The following CHM variants were observed in gnomAD, a reference collection of about 807,000 sequenced individuals.
CHM encodes the protein rab proteins geranylgeranyltransferase component A 1.
A neutral mutation model predicts 49.0 loss-of-function variants in CHM; 10 were observed. The observed-to-expected ratio is 0.20, with a 90% confidence interval of 0.13 to 0.35. The LOEUF is 0.35. Among genes scored for constraint, CHM ranks in the 10% least tolerant of loss-of-function variants. The probability of loss-of-function intolerance (pLI) is 1.00; values close to 1 mark genes in which losing one functional copy is unlikely to be tolerated. For synonymous variants in CHM, 184 were observed against 167.5 expected, an observed-to-expected ratio of 1.10 and a Z score of -0.76; for missense variants, 455 against 478.4, an observed-to-expected ratio of 0.95 and a Z score of 0.46.
chrX:85,976,087 C>G (rs1005185186), intron 4 of CHM, among the ~76,000 whole-genome samples: 6 of 111,821 alleles, frequency 5.4e-5, no homozygotes, highest in African/African-American at 2.0e-4. Context: ...CTTTCTAAAA[C>G]GTACTTCAAA....
intron 14 of CHM, among the ~76,000 whole-genome samples, chrX:85,871,275 C>A (rs1358363125): frequency 1.1e-5 from 1 of 91,698 alleles, no homozygotes; most frequent in Admixed American, 1.2e-4. Flanking sequence ...CCACTGCACT[C>A]CAGCCTGGGT....
chrX:85,964,182 A>C, intron 4 of CHM, 130 bp from the exon 5 acceptor site: 1 of 562,872 alleles, frequency 1.8e-6, no homozygotes, highest in Non-Finnish European at 2.7e-6. Flanking sequence ...TTTCAGTAAA[A>C]TATGAAACAA....
At chrX:85,907,140 AAAAAG>A (rs199498353) in intron 9 of CHM, among the ~76,000 whole-genome samples, 2,185 of 112,183 alleles carry the variant, frequency 0.019, 52 homozygotes, top group African/African-American at 0.067. Context: ...AAAAATAGAA[AAAAAG>A]AAAAGAAAAG....
At chrX:86,016,687 G>A (rs1360166637) in intron 2 of CHM, among the ~76,000 whole-genome samples, 1 of 112,456 alleles carries the variant, frequency 8.9e-6, no homozygotes, top group Non-Finnish European at 1.9e-5. Context: ...CAGGGGCGGG[G>A]TGCTCATGGA....
intron 4 of CHM, among the ~76,000 whole-genome samples, chrX:85,965,681 TAAA>T (rs1930544627): frequency 9.0e-6 from 1 of 110,825 alleles, no homozygotes. Flanking sequence ...AGTGCCTTAT[TAAA>T]AATAACACAA....
intron 11 of CHM, among the ~76,000 whole-genome samples, chrX:85,898,339 C>T (rs762368571): frequency 9.0e-6 from 1 of 111,467 alleles, no homozygotes; most frequent in South Asian, 3.8e-4. Flanking sequence ...TTCAACGTGT[C>T]TCCCATCCCA....
chrX:85,900,803 T>G, intron 10 of CHM, 94 bp from the exon 11 acceptor site: 2 of 677,845 alleles, frequency 3.0e-6, no homozygotes, highest in Non-Finnish European at 4.7e-6. Flanking sequence ...TTTCAAAGAT[T>G]TAAGTCAGGA....
chrX:86,042,375 G>A (rs1342560819), intron 1 of CHM, among the ~76,000 whole-genome samples: 8 of 111,366 alleles, frequency 7.2e-5, no homozygotes, highest in Admixed American at 2.9e-4. Flanking sequence ...TCAGGGTTCT[G>A]CAGGCTGTAC....
intron 3 of CHM, among the ~76,000 whole-genome samples, chrX:85,980,902 A>G (rs905773306): frequency 2.7e-5 from 3 of 110,423 alleles, no homozygotes; most frequent in African/African-American, 6.6e-5. Flanking sequence ...AATTTCTTTG[A>G]TTTTTTCTTT....
chrX:85,909,427 C>A (rs774848431), intron 9 of CHM, among the ~76,000 whole-genome samples: 1 of 110,993 alleles, frequency 9.0e-6, no homozygotes, highest in South Asian at 3.8e-4. Context: ...TTCTTTAAAA[C>A]TGCAAATTAC....
chrX:85,930,525 T>C (rs1260831845), intron 8 of CHM, among the ~76,000 whole-genome samples: 3 of 112,382 alleles, frequency 2.7e-5, no homozygotes, highest in African/African-American at 9.7e-5. Context: ...TAGTTTCTAA[T>C]TTAACATCAT....
chrX:85,998,457 T>G (rs1314988344), intron 2 of CHM, among the ~76,000 whole-genome samples: 1 of 112,043 alleles, frequency 8.9e-6, no homozygotes, highest in Non-Finnish European at 1.9e-5. Flanking sequence ...CCTTGACTTA[T>G]GATATAACAT....
At chrX:85,918,787 A>T (rs1927606925) in intron 8 of CHM, among the ~76,000 whole-genome samples, 1 of 111,986 alleles carries the variant, frequency 8.9e-6, no homozygotes, top group Non-Finnish European at 1.9e-5. Flanking sequence ...AAAGACAAAG[A>T]AGGGCATTAC....
intron 8 of CHM, among the ~76,000 whole-genome samples, chrX:85,918,814 C>A (rs1277439089): frequency 8.9e-6 from 1 of 111,956 alleles, no homozygotes; most frequent in Non-Finnish European, 1.9e-5. Context: ...ATAAAGGTTT[C>A]AATTCAATAA....
intron 2 of CHM, among the ~76,000 whole-genome samples, chrX:86,006,650 C>T (rs942330671): frequency 3.6e-5 from 4 of 111,229 alleles, no homozygotes; most frequent in East Asian, 2.8e-4. Flanking sequence ...GAGTGAACTC[C>T]CATTCATAAT....
chrX:86,028,016 C>T (rs1435221507), intron 1 of CHM, among the ~76,000 whole-genome samples: 1 of 112,010 alleles, frequency 8.9e-6, no homozygotes, highest in Non-Finnish European at 1.9e-5. Context: ...CCACCTCGGC[C>T]TCCCAAAGTG....
At chrX:85,886,289 A>T (rs1466612278) in intron 12 of CHM, among the ~76,000 whole-genome samples, 1 of 112,254 alleles carries the variant, frequency 8.9e-6, no homozygotes, top group Non-Finnish European at 1.9e-5. Context: ...CTTGACCAGG[A>T]AAATAATGAA....
At chrX:85,882,149 G>T (rs776873819) in intron 12 of CHM, among the ~76,000 whole-genome samples, 13 of 111,792 alleles carry the variant, frequency 1.2e-4, no homozygotes, top group Non-Finnish European at 2.1e-4. Flanking sequence ...CTTGTAAAGG[G>T]TTCAAGGGAT....
At chrX:85,876,695 C>A (rs762044747) in intron 13 of CHM, among the ~76,000 whole-genome samples, 7 of 111,637 alleles carry the variant, frequency 6.3e-5, no homozygotes, top group African/African-American at 2.3e-4. Context: ...TGAAAACTAG[C>A]TTTTCAGTGC....
Sources: allele counts gnomAD v4.1 joint callset (sites outside exome capture counted in the v4.1 genomes callset), GRCh38; gene constraint gnomAD v4.1.1; transcripts MANE v1.5; gene names NCBI Gene and HGNC (gene_info 2026-07-23, HGNC 2026-07-21).